The following AFF1 variants were observed in gnomAD, a reference collection of about 807,000 sequenced individuals.
AFF1 encodes AF4/FMR2 family member 1.
In AFF1, 48 loss-of-function variants were observed where a neutral mutation model predicts 121.7. The ratio of observed to expected loss-of-function variants is 0.39; its 90% CI spans 0.31 to 0.50. AFF1 has a LOEUF of 0.50. Among genes scored for constraint, AFF1 ranks in the 20% least tolerant of loss-of-function variants. The pLI, the probability that AFF1 is intolerant of heterozygous loss-of-function variation, is 0.76. For missense variants in AFF1, 1,523 were observed against 1,511.7 expected (o/e 1.01, Z -0.12); for synonymous variants, 613 against 563.0 (o/e 1.09, Z -1.26).
At chr4:87,113,572 G>T (rs1439954566) in intron 11 of AFF1, among the ~76,000 whole-genome samples, 1 of 152,170 alleles carries the variant, frequency 6.6e-6, no homozygotes, top group African/African-American at 2.4e-5. Context: ...TTGGTCGAAT[G>T]TTTGACTTTT....
chr4:87,022,791 G>A (rs76939791), intron 2 of AFF1, among the ~76,000 whole-genome samples: 3,786 of 150,094 alleles, frequency 0.025, 158 homozygotes, highest in African/African-American at 0.089. Context: ...TACATATCAC[G>A]TGTGTGTATA....
chr4:86,945,705 T>G (rs1399174704), intron 1 of AFF1, among the ~76,000 whole-genome samples: 1 of 151,926 alleles, frequency 6.6e-6, no homozygotes, highest in African/African-American at 2.4e-5. Context: ...TCACTGTGTT[T>G]CCAGGGCTGA....
chr4:87,068,766 A>T (rs1721646069), intron 4 of AFF1, among the ~76,000 whole-genome samples: 1 of 152,232 alleles, frequency 6.6e-6, no homozygotes, highest in Non-Finnish European at 1.5e-5. Context: ...CTTATGGCTC[A>T]GTACAAGGGA....
At position 87,018,943 on chromosome 4, in the gene AFF1, T is replaced by G. The variant is rs1295088002; in HGVS notation, c.39-27223T>G. ...GGCCCCCAGGTCAGTGAGGTACAGT[T>G]ATAAGGAAGTGAAGATTTAGACAGT... On this transcript the variant is annotated intron_variant, in intron 2 of 20. Coordinates refer to ENST00000395146, the MANE Select transcript of AFF1 (RefSeq NM_001166693.3). Among the ~76,000 whole-genome samples, 6 of 152,270 alleles carry G rather than the reference T, an allele frequency of 3.9e-5. No individual in the cohort carries two copies. In the East Asian group the frequency reaches 1.2e-3, roughly 29 times the overall value.
intron 5 of AFF1, among the ~76,000 whole-genome samples, chr4:87,086,152 A>C (rs1323929580): frequency 6.6e-6 from 1 of 152,158 alleles, no homozygotes; most frequent in Admixed American, 6.5e-5. Context: ...CTGTTTCTGA[A>C]ATTTGTTGGT....
chr4:87,091,746 A>T (rs1365060151), intron 6 of AFF1, 47 bp from the exon 7 acceptor site: 2 of 1,256,174 alleles, frequency 1.6e-6, no homozygotes, highest in Non-Finnish European at 2.2e-6. Context: ...CTTTAACTTT[A>T]TAAGCCTTAA....
At chr4:86,996,612 A>G (rs1425792151) in intron 2 of AFF1, among the ~76,000 whole-genome samples, 1 of 151,524 alleles carries the variant, frequency 6.6e-6, no homozygotes, top group Non-Finnish European at 1.5e-5. Context: ...TCCTCTGCCT[A>G]GGAAAACCAG....
chr4:87,034,762 C>T (rs1370105613), intron 2 of AFF1, among the ~76,000 whole-genome samples: 2 of 151,688 alleles, frequency 1.3e-5, no homozygotes, highest in Non-Finnish European at 2.9e-5. Context: ...AGGTTTGATT[C>T]ATTTGATGGG....
At chr4:87,091,524 AGAG>A (rs1342181861) in intron 6 of AFF1, among the ~76,000 whole-genome samples, 1 of 152,276 alleles carries the variant, frequency 6.6e-6, no homozygotes, top group Non-Finnish European at 1.5e-5. Context: ...CTAGGAAAGA[AGAG>A]AAGCAATGAA....
chr4:86,986,749 G>T (rs1322296249), intron 2 of AFF1, among the ~76,000 whole-genome samples: 1 of 152,042 alleles, frequency 6.6e-6, no homozygotes, highest in African/African-American at 2.4e-5. Context: ...GATATTTGAT[G>T]CTAGTAAGGG....
chr4:86,996,797 G>GTGGA (rs1725248549), intron 2 of AFF1, among the ~76,000 whole-genome samples: 2 of 152,230 alleles, frequency 1.3e-5, no homozygotes, highest in Admixed American at 1.3e-4. Context: ...GTATTAAAAG[G>GTGGA]TGGAGCCTTT....
At chr4:87,061,335 G>A (rs1280070065) in intron 4 of AFF1, among the ~76,000 whole-genome samples, 1 of 152,176 alleles carries the variant, frequency 6.6e-6, no homozygotes, top group Non-Finnish European at 1.5e-5. Context: ...CAGAATCTCT[G>A]TATGGAAACT....
chr4:87,122,491 G>A (rs1249168704), intron 12 of AFF1, among the ~76,000 whole-genome samples: 4 of 152,174 alleles, frequency 2.6e-5, no homozygotes, highest in Admixed American at 1.3e-4. Flanking sequence ...TCTAAATTGT[G>A]CTCCAGGATC....
intron 11 of AFF1, among the ~76,000 whole-genome samples, chr4:87,109,374 ATGTC>A (rs1453363819): frequency 2.0e-5 from 3 of 152,258 alleles, no homozygotes; most frequent in African/African-American, 4.8e-5. Flanking sequence ...ATGCGAATCT[ATGTC>A]TGGCGCAGAA....
At chr4:87,034,983 A>C (rs2149589586) in intron 2 of AFF1, among the ~76,000 whole-genome samples, 1 of 152,348 alleles carries the variant, frequency 6.6e-6, no homozygotes, top group South Asian at 2.1e-4. Flanking sequence ...CTGTGCCCTT[A>C]AGGAGAAGCT....
chr4:87,075,414 T>C (rs1275628173), intron 4 of AFF1, among the ~76,000 whole-genome samples: 8 of 152,204 alleles, frequency 5.3e-5, no homozygotes, highest in Non-Finnish European at 1.2e-4. Flanking sequence ...ATCTCCTATC[T>C]ACACGATATA....
intron 1 of AFF1, among the ~76,000 whole-genome samples, chr4:86,943,012 T>C (rs1720578902): frequency 6.6e-6 from 1 of 152,200 alleles, no homozygotes. Flanking sequence ...GTGGGTTGGC[T>C]GGAGAGAGTC....
Position 87,126,141 on chromosome 4 carries a change from C to T in AFF1, c.2616C>T (p.Leu872=), listed in dbSNP as rs993473564. 4.3e-6 allele frequency: 7 copies of T among 1,614,066 alleles called. No homozygotes were observed. Among genetic ancestry groups the T allele is most frequent in the Admixed American group, 1.7e-5 (1 of 60,016 alleles). ...PSSQSSKKEM[L]PPPPVSSSSQ... The stretch of plus-strand genomic sequence containing the variant: ...CACAGTCCTCAAAGAAGGAAATGCT[C>T]CCCCCGCCACCCGTGTCCTCGTCCT... Residue 872 remains leucine (L), a synonymous_variant, in exon 14 of 21, where the codon CTC becomes CTT. Coordinates refer to ENST00000395146, the MANE Select transcript of AFF1 (RefSeq NM_001166693.3).
At chr4:87,057,251 GC>G (rs1720242584) in intron 4 of AFF1, among the ~76,000 whole-genome samples, 1 of 152,156 alleles carries the variant, frequency 6.6e-6, no homozygotes. Context: ...GCAGAGGAGA[GC>G]AGTGGGGAGA....
Sources: gnomAD v4.1 joint callset for allele counts (sites outside exome capture counted in the v4.1 genomes callset) on GRCh38, gnomAD v4.1.1 for gene constraint, MANE v1.5 for transcripts, NCBI Gene and HGNC (gene_info 2026-07-23, HGNC 2026-07-21) for gene names.